Variants in TNRC6A observed in about 807,000 individuals in gnomAD.
TNRC6A encodes the protein trinucleotide repeat-containing gene 6A protein.
In TNRC6A, 44 loss-of-function variants were observed where a neutral mutation model predicts 221.2. That is an observed-to-expected ratio of 0.20 (90% CI 0.16 to 0.26). TNRC6A has a LOEUF of 0.26. TNRC6A is among the 10% of genes least tolerant of loss of function. TNRC6A has a pLI of 1.00. For missense variants in TNRC6A, 2,199 were observed against 2,404.4 expected, an observed-to-expected ratio of 0.91 and a Z score of 1.79; for synonymous variants, 847 against 838.5, an observed-to-expected ratio of 1.01 and a Z score of -0.18.
rs567191491 is a variant in TNRC6A, at chr16:24,691,560, GGA to G, written n.402+50553_402+50554del. On this transcript the variant is annotated intron_variant and non_coding_transcript_variant, in intron 2 of 2. Coordinates refer to the TNRC6A transcript ENST00000566108. The stretch of plus-strand genomic sequence containing the variant: ...AAAGTGGGCAGATCAGTTGAGGCCA[GGA>G]GTTCGAGAACAGCCTGGCCAACATG... 1.2e-3 allele frequency among the ~76,000 whole-genome samples: 178 copies of G among 152,072 alleles called. 1 individual carries two copies. Among genetic ancestry groups the G allele is most frequent in the Non-Finnish European group, 2.1e-3 (141 of 68,014 alleles).
At chr16:24,651,697 C>G (rs940533326) in intron 2 of TNRC6A, among the ~76,000 whole-genome samples, 3 of 150,020 alleles carry the variant, frequency 2.0e-5, no homozygotes, top group African/African-American at 7.4e-5. Context: ...CCCCTCCCCC[C>G]GCCATCTTAA....
chr16:24,632,520 A>G (rs1156866982), intron 1 of TNRC6A, among the ~76,000 whole-genome samples: 1 of 152,050 alleles, frequency 6.6e-6, no homozygotes, highest in African/African-American at 2.4e-5. Context: ...CACTTTCACC[A>G]TCCTCTTCCA....
chr16:24,815,466 T>G (rs757964099), intron 19 of TNRC6A, 161 bp downstream of exon 19: 2 of 830,810 alleles, frequency 2.4e-6, no homozygotes, highest in Non-Finnish European at 3.9e-6. Flanking sequence ...AAGCATGAAG[T>G]CTTGGGCAAG....
chr16:24,758,993 G>A (rs1567432798), intron 4 of TNRC6A, among the ~76,000 whole-genome samples: 1 of 151,986 alleles, frequency 6.6e-6, no homozygotes, highest in Admixed American at 6.6e-5. Context: ...AAGCTCTCAG[G>A]TGCTGAACTT....
chr16:24,775,165 G>A (rs2057693197), intron 4 of TNRC6A, among the ~76,000 whole-genome samples: 1 of 152,096 alleles, frequency 6.6e-6, no homozygotes, highest in Non-Finnish European at 1.5e-5. Flanking sequence ...GTACACGAAG[G>A]AATATACGTT....
At chr16:24,799,585 T>G (rs78597955) in intron 11 of TNRC6A, among the ~76,000 whole-genome samples, 280 of 152,298 alleles carry the variant, frequency 1.8e-3, no homozygotes, top group Non-Finnish European at 3.1e-3. Flanking sequence ...TGTAATAACT[T>G]GTGAATAAGG....
chr16:24,788,102 A>G (rs1450137728), intron 5 of TNRC6A, among the ~76,000 whole-genome samples: 4 of 152,262 alleles, frequency 2.6e-5, no homozygotes, highest in African/African-American at 9.6e-5. Flanking sequence ...GGAACTATTC[A>G]GAAGCACTAG....
intron 2 of TNRC6A, among the ~76,000 whole-genome samples, chr16:24,714,914 T>C (rs1224521826): frequency 6.6e-6 from 1 of 151,284 alleles, no homozygotes; most frequent in Non-Finnish European, 1.5e-5. Context: ...TCTTGCTCTG[T>C]CACCCAGGCT....
At chr16:24,626,882 G>C (rs1453193412) in intron 1 of TNRC6A, among the ~76,000 whole-genome samples, 1 of 150,504 alleles carries the variant, frequency 6.6e-6, no homozygotes, top group East Asian at 2.0e-4. Flanking sequence ...TCGATCTCCT[G>C]ACCTCGTGAT....
At chr16:24,623,171 T>TTATG (rs909929528) in intron 1 of TNRC6A, among the ~76,000 whole-genome samples, 5 of 139,684 alleles carry the variant, frequency 3.6e-5, no homozygotes, top group African/African-American at 5.8e-5. Flanking sequence ...ATTTATTTAT[T>TTATG]TATTTATTTA....
chr16:24,818,835 T>G, intron 21 of TNRC6A, 135 bp downstream of exon 21: 1 of 710,290 alleles, frequency 1.4e-6, no homozygotes. Context: ...GAAATTATTT[T>G]TAACATCCCT....
At chr16:24,693,963 C>A (rs2055807050) in intron 2 of TNRC6A, among the ~76,000 whole-genome samples, 1 of 152,088 alleles carries the variant, frequency 6.6e-6, no homozygotes, top group Admixed American at 6.6e-5. Context: ...CCGAAAACAA[C>A]CCTCATTTCT....
At chr16:24,757,517 C>T (rs1197876453) in intron 3 of TNRC6A, among the ~76,000 whole-genome samples, 1 of 152,134 alleles carries the variant, frequency 6.6e-6, no homozygotes, top group African/African-American at 2.4e-5. Context: ...TCAGGATTCC[C>T]ATAATATTGA....
intron 2 of TNRC6A, chr16:24,663,082 G>A (rs2055069434): frequency 6.5e-6 from 1 of 153,738 alleles, no homozygotes; most frequent in South Asian, 2.1e-4. Flanking sequence ...GGCAAGCAGG[G>A]GCCTCTTTCA....
At chr16:24,758,248 CTTATA>C (rs774289301) in intron 3 of TNRC6A, 86 bp from the exon 4 acceptor site, 54 of 1,264,720 alleles carry the variant, frequency 4.3e-5, no homozygotes, top group African/African-American at 1.8e-4. Flanking sequence ...GTGTATATGT[CTTATA>C]TTAATATATG....
At chr16:24,689,753 A>G (rs561274472) in intron 2 of TNRC6A, among the ~76,000 whole-genome samples, 2 of 152,144 alleles carry the variant, frequency 1.3e-5, no homozygotes, top group South Asian at 2.1e-4. Flanking sequence ...GACACATGCT[A>G]TGAGAAAAAA....
chr16:24,718,366 A>G (rs777138053), intron 2 of TNRC6A, among the ~76,000 whole-genome samples: 1 of 152,192 alleles, frequency 6.6e-6, no homozygotes, highest in Non-Finnish European at 1.5e-5. Flanking sequence ...CTGTATTCTT[A>G]TGAGATCCAG....
intron 4 of TNRC6A, among the ~76,000 whole-genome samples, chr16:24,775,039 G>T (rs1265733811): frequency 2.0e-5 from 3 of 152,160 alleles, no homozygotes; most frequent in Non-Finnish European, 4.4e-5. Flanking sequence ...CATGGATGTG[G>T]AGGGCTGCCT....
At chr16:24,749,198 C>T (rs772823413) in intron 2 of TNRC6A, among the ~76,000 whole-genome samples, 15 of 152,226 alleles carry the variant, frequency 9.9e-5, no homozygotes, top group Middle Eastern at 3.4e-3. Flanking sequence ...TACAGGTAGC[C>T]GGAGTGAGTT....
Sources: allele counts gnomAD v4.1 joint callset (sites outside exome capture counted in the v4.1 genomes callset), GRCh38; gene constraint gnomAD v4.1.1; transcripts MANE v1.5; gene names NCBI Gene and HGNC (gene_info 2026-07-23, HGNC 2026-07-21).